UNC79: variants seen among roughly 807,000 people sequenced by gnomAD.
UNC79 encodes the protein unc-79 subunit of NALCN channel complex, also known as protein unc-79 homolog.
In UNC79, 37 loss-of-function variants were observed where a neutral mutation model predicts 283.1. The ratio of observed to expected loss-of-function variants is 0.13; its 90% CI spans 0.10 to 0.17. The LOEUF (loss-of-function observed/expected upper bound fraction) is 0.17, where lower values mean the gene tolerates loss of function less well. UNC79 is among the 10% of genes least tolerant of loss of function. The pLI is 1.00. For missense variants in UNC79, 2,272 were observed against 3,211.1 expected, an observed-to-expected ratio of 0.71 and a Z score of 7.07; for synonymous variants, 1,107 against 1,200.2, an observed-to-expected ratio of 0.92 and a Z score of 1.61.
chr14:93,412,231 A>G (rs1359979507), intron 1 of UNC79, among the ~76,000 whole-genome samples: 1 of 152,182 alleles, frequency 6.6e-6, no homozygotes, highest in Non-Finnish European at 1.5e-5. Flanking sequence ...ATGTGAAAAT[A>G]CATGGAGGAG....
At chr14:93,626,675 A>G (rs2067594440) in intron 30 of UNC79, among the ~76,000 whole-genome samples, 1 of 152,212 alleles carries the variant, frequency 6.6e-6, no homozygotes, top group South Asian at 2.1e-4. Context: ...ATACTAATGA[A>G]TTAAAATTAA....
chr14:93,372,843 T>C (rs2054481334), intron 1 of UNC79, among the ~76,000 whole-genome samples: 1 of 152,202 alleles, frequency 6.6e-6, no homozygotes. Context: ...GACTACCTTA[T>C]CCAACAACAG....
intron 1 of UNC79, among the ~76,000 whole-genome samples, chr14:93,374,648 C>T (rs1470912762): frequency 6.6e-6 from 1 of 152,144 alleles, no homozygotes; most frequent in East Asian, 1.9e-4. Context: ...AAGCGATCCT[C>T]CCACCTCAGC....
At chr14:93,407,358 C>T (rs1595439571) in intron 1 of UNC79, among the ~76,000 whole-genome samples, 1 of 152,280 alleles carries the variant, frequency 6.6e-6, no homozygotes, top group South Asian at 2.1e-4. Context: ...CTGATAGAAA[C>T]ACTTAAACAA....
At chr14:93,595,938 T>C (rs1311757330) in intron 23 of UNC79, among the ~76,000 whole-genome samples, 1 of 152,148 alleles carries the variant, frequency 6.6e-6, no homozygotes. Context: ...GCTTAATATA[T>C]ATATATTTTA....
intron 20 of UNC79, among the ~76,000 whole-genome samples, chr14:93,583,967 G>A (rs528961949): frequency 7.2e-5 from 11 of 152,092 alleles, no homozygotes; most frequent in African/African-American, 2.7e-4. Context: ...CACCATGCCC[G>A]GCTAGTTTTT....
chr14:93,575,278 C>A, intron 17 of UNC79, 80 bp downstream of exon 17: 1 of 1,575,702 alleles, frequency 6.3e-7, no homozygotes, highest in Non-Finnish European at 8.6e-7. Flanking sequence ...CCTGAAAGTA[C>A]TGTCATAAGA....
At chr14:93,684,760 A>G (rs2074111135) in intron 42 of UNC79, among the ~76,000 whole-genome samples, 1 of 151,994 alleles carries the variant, frequency 6.6e-6, no homozygotes, top group South Asian at 2.1e-4. Flanking sequence ...TATATTAAAC[A>G]TGTGTTGCTT....
At chr14:93,371,961 G>A (rs140523662) in intron 1 of UNC79, among the ~76,000 whole-genome samples, 240 of 152,196 alleles carry the variant, frequency 1.6e-3, no homozygotes, top group African/African-American at 5.4e-3. Context: ...CCCATAACCC[G>A]CAAAGTTATC....
intron 5 of UNC79, among the ~76,000 whole-genome samples, chr14:93,489,985 G>T (rs1407361665): frequency 6.6e-6 from 1 of 152,210 alleles, no homozygotes; most frequent in Non-Finnish European, 1.5e-5. Context: ...GCCTTTGCTG[G>T]GTACAGTGCA....
chr14:93,686,538 G>A, intron 42 of UNC79, 34 bp from the exon 46 acceptor site: 1 of 1,609,840 alleles, frequency 6.2e-7, no homozygotes, highest in Non-Finnish European at 8.5e-7. Context: ...GGGCAAAAAT[G>A]AAGGTGTGAC....
chr14:93,613,971 A>G (rs1204616112), intron 27 of UNC79, among the ~76,000 whole-genome samples: 1 of 151,390 alleles, frequency 6.6e-6, no homozygotes, highest in Non-Finnish European at 1.5e-5. Flanking sequence ...GCTACTTTCC[A>G]TTTGGTATTA....
rs1048382769 is a variant in UNC79, at chr14:93,568,962, C to T, written c.1756-2932C>T. 2.0e-4 allele frequency among the ~76,000 whole-genome samples: 30 copies of T among 152,110 alleles called. No homozygotes were observed. The East Asian group carries it at 4.4e-3, about 23-fold the overall frequency. ...GGCAAAGCTACTTTTTAAAGTGGGC[C>T]GAGCTAAGGAAAAAGGCATTGGAGT... On this transcript the variant is annotated intron_variant, in intron 14 of 48. Transcript: ENST00000555664.
At chr14:93,704,855 AACCATTGTCCTACTG>A (rs1402603286) in intron 48 of UNC79, among the ~76,000 whole-genome samples, 189 bp downstream of exon 51, 1 of 152,110 alleles carries the variant, frequency 6.6e-6, no homozygotes, top group Non-Finnish European at 1.5e-5. Context: ...TGGCAGCAGG[AACCATTGTCCTACTG>A]CTTGAGGTTG....
chr14:93,569,898 T>C (rs1436216349), intron 14 of UNC79, among the ~76,000 whole-genome samples: 1 of 152,182 alleles, frequency 6.6e-6, no homozygotes, highest in Non-Finnish European at 1.5e-5. Flanking sequence ...ATTTCTGTTT[T>C]TGTAAAGACT....
intron 47 of UNC79, among the ~76,000 whole-genome samples, chr14:93,701,509 T>G (rs529136512): frequency 1.3e-5 from 2 of 152,320 alleles, no homozygotes; most frequent in East Asian, 3.9e-4. Context: ...TTAAATGTCC[T>G]TCAGTTTTCA....
chr14:93,460,789 C>T lies in UNC79; in HGVS notation c.23-6882C>T, dbSNP rs530910455. Among the ~76,000 whole-genome samples the T allele has an allele frequency of 2.6e-5, 4 of 152,238 alleles. No individual in the cohort carries two copies. The South Asian group carries it at 8.3e-4, about 32-fold the overall frequency. ...TCCTGTAATCCTAGCACTTGGGAGGCCGAGGCAGGAAGATCCCTTCAGCCC... is the reference window on the plus strand; with the variant it reads ...TCCTGTAATCCTAGCACTTGGGAGGTCGAGGCAGGAAGATCCCTTCAGCCC... On this transcript the variant is annotated intron_variant, in intron 1 of 48. Transcript: ENST00000555664.
chr14:93,503,239 GT>G (rs1010765435), intron 7 of UNC79, among the ~76,000 whole-genome samples: 1 of 151,996 alleles, frequency 6.6e-6, no homozygotes, highest in Non-Finnish European at 1.5e-5. Flanking sequence ...ACTGTACTTT[GT>G]TTTTTTATTG....
At chr14:93,394,640 A>G (rs1464424432) in intron 1 of UNC79, among the ~76,000 whole-genome samples, 1 of 152,082 alleles carries the variant, frequency 6.6e-6, no homozygotes, top group East Asian at 1.9e-4. Flanking sequence ...TGAGCTCCTG[A>G]CCATGATCCA....
Sources: gnomAD v4.1 joint callset for allele counts (sites outside exome capture counted in the v4.1 genomes callset) on GRCh38, gnomAD v4.1.1 for gene constraint, MANE v1.5 for transcripts, NCBI Gene and HGNC (gene_info 2026-07-23, HGNC 2026-07-21) for gene names.